Variants in CHODL observed in about 807,000 individuals in gnomAD.
CHODL encodes chondrolectin.
CHODL carries 29 observed loss-of-function variants against 34.5 expected under a neutral mutation model. That is an observed-to-expected ratio of 0.84 (90% confidence interval 0.63 to 1.15). CHODL has a LOEUF of 1.15. Among genes scored for constraint, CHODL ranks in the 50% most tolerant of loss-of-function variants. CHODL has a pLI of 0.00. For missense variants in CHODL, 332 were observed against 332.5 expected (o/e 1.00, Z 0.01); for synonymous variants, 125 against 116.1 (o/e 1.08, Z -0.49).
Position 18,172,873 on chromosome 21 carries a change from G to C in CHODL, c.-44-83636G>C, listed in dbSNP as rs942947283. On this transcript the variant is annotated intron_variant, in intron 2 of 6. Transcript: ENST00000400127. ...CTTTGCTCAGAGTTTCTGAAAAGCTGAAATCAGGGTGTCATCTTGGGGTAG... is the reference window on the plus strand; with the variant it reads ...CTTTGCTCAGAGTTTCTGAAAAGCTCAAATCAGGGTGTCATCTTGGGGTAG... Among the ~76,000 whole-genome samples the C allele has an allele frequency of 1.3e-5, 2 of 152,128 alleles. 1 individual carries two copies. Among genetic ancestry groups the C allele is most frequent in the South Asian group, 4.1e-4 (2 of 4,828 alleles).
At chr21:18,213,578 T>C (rs539138345) in intron 2 of CHODL, among the ~76,000 whole-genome samples, 22 of 152,112 alleles carry the variant, frequency 1.4e-4, no homozygotes, top group African/African-American at 5.3e-4. Flanking sequence ...GAAAAGAAAA[T>C]ACTCTGAGGT....
chr21:18,124,448 T>C (rs1460082963), intron 2 of CHODL, among the ~76,000 whole-genome samples: 4 of 152,206 alleles, frequency 2.6e-5, no homozygotes, highest in Non-Finnish European at 5.9e-5. Flanking sequence ...GTATCTGTGC[T>C]CTGAGGGTAA....
chr21:18,113,684 C>G (rs1217522594), intron 2 of CHODL, among the ~76,000 whole-genome samples: 1 of 152,178 alleles, frequency 6.6e-6, no homozygotes, highest in African/African-American at 2.4e-5. Context: ...CCAGTCACCT[C>G]TCACCAGGTC....
chr21:18,001,186 T>C (rs1327308300), intron 1 of CHODL, among the ~76,000 whole-genome samples: 1 of 152,136 alleles, frequency 6.6e-6, no homozygotes, highest in Non-Finnish European at 1.5e-5. Flanking sequence ...AGGGTTAAGA[T>C]AGGGCAGGGT....
At chr21:18,050,752 G>A (rs936918258) in intron 2 of CHODL, among the ~76,000 whole-genome samples, 1 of 151,710 alleles carries the variant, frequency 6.6e-6, no homozygotes, top group Non-Finnish European at 1.5e-5. Flanking sequence ...GTTGGGTCAT[G>A]TTGACTTTGT....
In CHODL at chr21:17,924,489, C is replaced by A. The variant is rs188138426; in HGVS notation, c.-145+7089C>A. Among the ~76,000 whole-genome samples the A allele has an allele frequency of 1.7e-4, 26 of 152,288 alleles. 1 individual carries two copies. The highest frequency in any genetic ancestry group is 5.1e-4 in the African/African-American group (21 of 41,560). ...CAGCTGTGCACTTTCCTGCCAACTC[C>A]TCTTCCCTGGGCCTGACCTAGCAGG... On this transcript the variant is annotated intron_variant, in intron 1 of 6. Transcript: ENST00000400127.
intron 1 of CHODL, among the ~76,000 whole-genome samples, chr21:17,927,128 A>G (rs1442558933): frequency 1.9e-4 from 22 of 114,936 alleles, no homozygotes; most frequent in African/African-American, 7.2e-4. Flanking sequence ...ATATATGTAT[A>G]TATATGTATA....
intron 1 of CHODL, among the ~76,000 whole-genome samples, chr21:17,982,974 C>T (rs891142222): frequency 1.3e-5 from 2 of 152,090 alleles, no homozygotes; most frequent in African/African-American, 4.8e-5. Flanking sequence ...ATCTGCCCAC[C>T]TTGGCTTCCC....
intron 1 of CHODL, among the ~76,000 whole-genome samples, chr21:17,984,035 A>G (rs993816034): frequency 1.7e-4 from 26 of 152,310 alleles, no homozygotes; most frequent in African/African-American, 5.1e-4. Context: ...GAATTTATTT[A>G]TCTAGCATAA....
chr21:17,993,958 C>G (rs1285661284), intron 1 of CHODL, among the ~76,000 whole-genome samples: 1 of 152,098 alleles, frequency 6.6e-6, no homozygotes, highest in Non-Finnish European at 1.5e-5. Context: ...TATAATGTCT[C>G]CTTTTTCATT....
chr21:18,260,850 A>C (rs8126777), intron 4 of CHODL, among the ~76,000 whole-genome samples: 5,731 of 108,848 alleles, frequency 0.053, 280 homozygotes, highest in African/African-American at 0.21. Context: ...ACAACAACAA[A>C]AAAACACCAC....
At chr21:18,062,492 G>A (rs546669178) in intron 2 of CHODL, among the ~76,000 whole-genome samples, 10 of 152,036 alleles carry the variant, frequency 6.6e-5, no homozygotes, top group African/African-American at 1.2e-4. Flanking sequence ...ATTGAGGGGC[G>A]TGGTGGCTCA....
chr21:18,166,832 T>C (rs1460361293), intron 2 of CHODL, among the ~76,000 whole-genome samples: 1 of 152,162 alleles, frequency 6.6e-6, no homozygotes. Flanking sequence ...GTCCTGTCTT[T>C]TAGTTTGGGG....
At chr21:17,948,754 C>T (rs1214659412) in intron 1 of CHODL, among the ~76,000 whole-genome samples, 1 of 151,964 alleles carries the variant, frequency 6.6e-6, no homozygotes, top group Non-Finnish European at 1.5e-5. Context: ...AAAATTGAAT[C>T]AGTAATAAAA....
intron 1 of CHODL, among the ~76,000 whole-genome samples, chr21:17,969,225 A>G (rs1352645499): frequency 1.3e-5 from 2 of 152,210 alleles, no homozygotes; most frequent in Non-Finnish European, 2.9e-5. Context: ...AAAATAGTTC[A>G]TTCTGTTGCA....
At position 18,245,045 on chromosome 21, in the gene CHODL, G is replaced by C. The variant is rs930300881; in HGVS notation, c.-179G>C. On this transcript the variant is annotated 5_prime_UTR_variant, in exon 1 of 6. Coordinates refer to ENST00000299295, the MANE Select transcript of CHODL (RefSeq NM_024944.3). ...GCACATCCACGCGCGGCACAGGCGCGGCAGGCGGCAGGTCCCGGCCGAAGG... is the reference window on the plus strand; with the variant it reads ...GCACATCCACGCGCGGCACAGGCGCCGCAGGCGGCAGGTCCCGGCCGAAGG... The C allele has an allele frequency of 6.0e-6, 3 of 504,134 alleles. No individual in the cohort carries two copies. The highest frequency in any genetic ancestry group is 6.7e-6 in the Non-Finnish European group (2 of 296,902). 31.2% of individuals were successfully genotyped at this position (504,134 alleles called of 1,614,324 possible).
chr21:18,261,360 TAAA>T (rs60033114), intron 4 of CHODL, among the ~76,000 whole-genome samples: 4 of 137,804 alleles, frequency 2.9e-5, no homozygotes, highest in Non-Finnish European at 3.2e-5. Flanking sequence ...TAAAGTATGA[TAAA>T]AAAAAAAAAA....
At chr21:18,100,570 T>C (rs537072569) in intron 2 of CHODL, among the ~76,000 whole-genome samples, 3 of 152,264 alleles carry the variant, frequency 2.0e-5, no homozygotes, top group Non-Finnish European at 2.9e-5. Context: ...ATTTAGAGAC[T>C]CAAGGACACC....
chr21:18,045,802 AT>A (rs967335773), intron 2 of CHODL, among the ~76,000 whole-genome samples: 1 of 151,690 alleles, frequency 6.6e-6, no homozygotes, highest in African/African-American at 2.4e-5. Context: ...CTAGGCCCCC[AT>A]TTTTTGCCTT....
Sources: allele counts gnomAD v4.1 joint callset (sites outside exome capture counted in the v4.1 genomes callset), GRCh38; gene constraint gnomAD v4.1.1; transcripts MANE v1.5; gene names NCBI Gene and HGNC (gene_info 2026-07-23, HGNC 2026-07-21).